The following SIN3A variants were observed in gnomAD, a reference collection of about 807,000 sequenced individuals.
SIN3A encodes the protein paired amphipathic helix protein Sin3a.
Under a neutral mutation model 146.1 loss-of-function variants are expected in SIN3A, and 14 were observed. The observed-to-expected ratio is 0.10, with a 90% CI of 0.06 to 0.15. The LOEUF is 0.15. Ranked by LOEUF, SIN3A falls within the 10% of genes least tolerant of loss-of-function variation. The pLI is 1.00. For synonymous variants in SIN3A, 572 were observed against 572.0 expected (o/e 1.00, Z 0.00); for missense variants, 1,028 against 1,576.0 (o/e 0.65, Z 5.89).
intron 1 of SIN3A, among the ~76,000 whole-genome samples, chr15:75,442,035 G>A (rs757662547): frequency 9.7e-5 from 13 of 134,020 alleles, no homozygotes; most frequent in Non-Finnish European, 1.4e-4. Context: ...CAGGAGAATC[G>A]CTTGAACCCA....
At chr15:75,450,311 C>T (rs766323695) in intron 1 of SIN3A, among the ~76,000 whole-genome samples, 1 of 152,174 alleles carries the variant, frequency 6.6e-6, no homozygotes, top group African/African-American at 2.4e-5. Flanking sequence ...AGGCTAACTT[C>T]GTTTAAAGTC....
chr15:75,415,856 A>G (rs1359437310), intron 3 of SIN3A: 3 of 161,284 alleles, frequency 1.9e-5, no homozygotes, highest in Admixed American at 1.3e-4. Flanking sequence ...GGTCTCAGGA[A>G]AAAAAAAAAA....
intron 6 of SIN3A, among the ~76,000 whole-genome samples, chr15:75,411,010 A>T (rs1405981790): frequency 6.7e-6 from 1 of 148,170 alleles, no homozygotes; most frequent in East Asian, 2.0e-4. Context: ...TGAATGTTGC[A>T]GGGCAATCAA....
chr15:75,431,089 C>T (rs1345625467), intron 1 of SIN3A, among the ~76,000 whole-genome samples: 1 of 152,176 alleles, frequency 6.6e-6, no homozygotes, highest in Non-Finnish European at 1.5e-5. Context: ...AGTGCTTCTT[C>T]TTAAATCCTC....
intron 1 of SIN3A, among the ~76,000 whole-genome samples, chr15:75,438,618 G>C (rs1002227452): frequency 6.6e-6 from 1 of 152,026 alleles, no homozygotes; most frequent in Non-Finnish European, 1.5e-5. Flanking sequence ...GAGCCTGGGA[G>C]GTTGAGGCTA....
At chr15:75,443,319 T>C (rs140456906) in intron 1 of SIN3A, among the ~76,000 whole-genome samples, 4 of 152,264 alleles carry the variant, frequency 2.6e-5, no homozygotes, top group African/African-American at 7.2e-5. Context: ...AGTTGAAAAA[T>C]AGTATAAAAA....
chr15:75,392,969 G>A (rs2073236433), intron 14 of SIN3A, among the ~76,000 whole-genome samples, 154 bp from the exon 15 acceptor site: 2 of 152,178 alleles, frequency 1.3e-5, no homozygotes, highest in African/African-American at 2.4e-5. Flanking sequence ...GGTGGCTCAC[G>A]TCTATAATCC....
At chr15:75,407,218 A>G (rs2073532445) in intron 8 of SIN3A, 74 bp from the exon 9 acceptor site, 6 of 1,027,522 alleles carry the variant, frequency 5.8e-6, no homozygotes, top group Middle Eastern at 2.1e-4. Flanking sequence ...TCTGTATTCA[A>G]TGGTTTCATC....
At chr15:75,446,474 A>G (rs1257719115) in intron 1 of SIN3A, 1 of 151,674 alleles carries the variant, frequency 6.6e-6, no homozygotes, top group Admixed American at 6.6e-5. Flanking sequence ...CAGAGGGTAC[A>G]TCAGATTTGT....
At chr15:75,417,220 CA>C (rs1015084876) in intron 3 of SIN3A, among the ~76,000 whole-genome samples, 1 of 152,026 alleles carries the variant, frequency 6.6e-6, no homozygotes, top group Non-Finnish European at 1.5e-5. Context: ...CAGAGACACC[CA>C]AAAGAAATCC....
chr15:75,387,327 C>G (rs1252380727), intron 16 of SIN3A, among the ~76,000 whole-genome samples: 1 of 151,906 alleles, frequency 6.6e-6, no homozygotes, highest in African/African-American at 2.4e-5. Context: ...AAGTTTGAGG[C>G]CAGCCTGGAC....
chr15:75,418,972 T>C (rs2073794063), intron 3 of SIN3A, among the ~76,000 whole-genome samples: 1 of 151,706 alleles, frequency 6.6e-6, no homozygotes, highest in Admixed American at 6.6e-5. Context: ...TTAGCCAGGA[T>C]GGTCTCGATC....
Position 75,436,421 on chromosome 15 carries a change from A to G in SIN3A, c.-33-6013T>C, listed in dbSNP as rs2141594324. 5 of 152,308 alleles carry G rather than the reference A, an allele frequency of 3.3e-5. 1 individual carries two copies. In the South Asian group the frequency reaches 1.0e-3, roughly 32 times the overall value. The allele number at this position is 152,308 out of a possible 1,614,324, so 9.4% of individuals were successfully genotyped here. On this transcript the variant is annotated intron_variant, in intron 1 of 20. Coordinates refer to ENST00000394947, the MANE Select transcript of SIN3A (RefSeq NM_001145358.2). ...AGGAGACAGAGGCTGAGGTGAGCTG[A>G]GATCTCGCTACTGCACTCGAGCCTG...
At chr15:75,381,845 GGGT>G (rs2072978409) in intron 17 of SIN3A, 140 bp from the exon 18 acceptor site, 2 of 682,698 alleles carry the variant, frequency 2.9e-6, no homozygotes, top group African/African-American at 3.7e-5. Context: ...ACTAGATCTT[GGGT>G]GGCCAGTGAT....
In SIN3A at chr15:75,414,306, C is replaced by T. The variant is rs1184162058; in HGVS notation, c.372G>A (p.Glu124=). 1 of 1,486,542 alleles carries T rather than the reference C, an allele frequency of 6.7e-7. No homozygotes were observed. Among genetic ancestry groups the T allele is most frequent in the Admixed American group, 1.8e-5 (1 of 54,278 alleles). 92.1% of individuals were successfully genotyped at this position (1,486,542 alleles called of 1,614,324 possible). Residue 124 remains glutamate (E), a synonymous_variant, in exon 4 of 21, where the codon GAG becomes GAA. Coordinates refer to ENST00000394947, the MANE Select transcript of SIN3A (RefSeq NM_001145358.2). ...CCTGGTCAAGATAAGATAGCGCATC[C>T]TCCACCTGAGGCAGGGATAAATATC... ...GQQQFQRLKV[E]DALSYLDQVK...
chr15:75,395,259 C>T (rs1417457035), intron 13 of SIN3A, among the ~76,000 whole-genome samples: 1 of 152,188 alleles, frequency 6.6e-6, no homozygotes, highest in Non-Finnish European at 1.5e-5. Context: ...CAGTTATGTT[C>T]CTCTGGATAC....
chr15:75,410,683 AACTAG>A (rs1461267955), intron 6 of SIN3A, among the ~76,000 whole-genome samples: 1 of 152,148 alleles, frequency 6.6e-6, no homozygotes, highest in Non-Finnish European at 1.5e-5. Context: ...ACTGTACATT[AACTAG>A]ACTATATAAA....
At chr15:75,448,802 C>A (rs1002118721) in intron 1 of SIN3A, among the ~76,000 whole-genome samples, 3 of 152,124 alleles carry the variant, frequency 2.0e-5, no homozygotes, top group African/African-American at 7.2e-5. Flanking sequence ...GTCTTGTCTG[C>A]TCCCACTGAA....
intron 1 of SIN3A, among the ~76,000 whole-genome samples, chr15:75,442,948 A>C (rs1367337704): frequency 6.6e-6 from 1 of 151,620 alleles, no homozygotes; most frequent in Non-Finnish European, 1.5e-5. Context: ...AAAAAAAAAA[A>C]AAAAAATCAC....
Sources: allele counts gnomAD v4.1 joint callset (sites outside exome capture counted in the v4.1 genomes callset), GRCh38; gene constraint gnomAD v4.1.1; transcripts MANE v1.5; gene names NCBI Gene and HGNC (gene_info 2026-07-23, HGNC 2026-07-21).